LRRC74B: variants seen among roughly 807,000 people sequenced by gnomAD.
LRRC74B encodes the protein leucine-rich repeat-containing protein 74B.
In LRRC74B, 30 loss-of-function variants were observed where a neutral mutation model predicts 16.6. The observed-to-expected ratio is 1.80, with a 90% CI of 1.35 to 2.45. The LOEUF is 2.45. Among genes scored for constraint, LRRC74B ranks in the 30% most tolerant of loss-of-function variants. The probability of loss-of-function intolerance (pLI) is 0.00; values close to 1 mark genes in which losing one functional copy is unlikely to be tolerated. For synonymous variants in LRRC74B, 134 were observed against 86.0 expected, an observed-to-expected ratio of 1.56 and a Z score of -3.09; for missense variants, 326 against 202.4, an observed-to-expected ratio of 1.61 and a Z score of -3.71.
chr22:21,062,753 C>T (rs368810922), downstream of LRRC74B: 581 of 148,428 alleles, frequency 3.9e-3, 3 homozygotes, highest in South Asian at 7.9e-3. Flanking sequence ...TCAGGCTCAG[C>T]GCACTGGCAC....
exon 6 of LRRC74B, chr22:21,053,408 G>A (rs1930227320): frequency 1.4e-6 from 1 of 717,384 alleles, no homozygotes; most frequent in African/African-American, 1.7e-5. Flanking sequence ...TGGCTTTGGG[G>A]ATCCTGGAGC....
At chr22:21,046,229 G>A (rs1601801700) in intron 1 of LRRC74B, 104 bp downstream of exon 1, 2 of 629,852 alleles carry the variant, frequency 3.2e-6, no homozygotes, top group Non-Finnish European at 2.9e-6. Context: ...GAACGTACCC[G>A]CCTGCGGGGC....
chr22:21,059,362 C>T (rs977946114), intron 8 of LRRC74B, among the ~76,000 whole-genome samples: 2 of 152,140 alleles, frequency 1.3e-5, no homozygotes, highest in Admixed American at 1.3e-4. Context: ...CATTGCACTC[C>T]AGCCTGAGCA....
downstream of LRRC74B, among the ~76,000 whole-genome samples, chr22:21,061,109 C>T (rs1181973022): frequency 6.6e-6 from 1 of 152,158 alleles, no homozygotes; most frequent in Non-Finnish European, 1.5e-5. Context: ...GGGTGGATCC[C>T]TTGAGGTCAG....
At chr22:21,057,617 A>G (rs1404198402) in intron 8 of LRRC74B, among the ~76,000 whole-genome samples, 1 of 144,412 alleles carries the variant, frequency 6.9e-6, no homozygotes, top group African/African-American at 2.6e-5. Context: ...CTTTTCATTC[A>G]ATTTTGCCAC....
chr22:21,059,785 C>T (rs1264562057), intron 8 of LRRC74B, among the ~76,000 whole-genome samples: 12 of 152,114 alleles, frequency 7.9e-5, no homozygotes, highest in Middle Eastern at 6.8e-3. Flanking sequence ...ACGTCTACCC[C>T]GCAAGGCCAT....
intron 5 of LRRC74B, 131 bp from the exon 6 acceptor site, chr22:21,053,229 T>A: frequency 1.7e-6 from 1 of 604,148 alleles, no homozygotes; most frequent in African/African-American, 1.8e-5. Flanking sequence ...TGACCCTTCC[T>A]TGGAGCCTCT....
chr22:21,057,168 C>A, exon 8 of LRRC74B: 2 of 717,316 alleles, frequency 2.8e-6, no homozygotes, highest in Admixed American at 2.0e-5. Flanking sequence ...CCAGGACAAT[C>A]CAGCCTCTGC....
exon 1 of LRRC74B, chr22:21,046,036 A>G (rs1470085871): frequency 1.4e-5 from 10 of 717,468 alleles, no homozygotes; most frequent in Non-Finnish European, 2.1e-5. Context: ...CAGAAAGAAG[A>G]GGCTATGGTG....
downstream of LRRC74B, chr22:21,061,703 AC>A (rs1381413416): frequency 2.0e-5 from 3 of 152,224 alleles, no homozygotes; most frequent in Non-Finnish European, 4.4e-5. Context: ...TTACCGTATA[AC>A]CCATTATTTC....
intron 7 of LRRC74B, among the ~76,000 whole-genome samples, chr22:21,055,682 C>T (rs1470883006): frequency 6.6e-6 from 1 of 152,106 alleles, no homozygotes; most frequent in African/African-American, 2.4e-5. Flanking sequence ...ACAGCAGGTA[C>T]GTGCTGGGGG....
At position 21,049,233 on chromosome 22, in the gene LRRC74B, C is replaced by T. The variant is rs376461245; in HGVS notation, c.622+76C>T. On this transcript the variant is annotated intron_variant, in intron 4 of 8. Transcript: ENST00000442047. ...AGGGATGGGTGGGGGTTGGCAGGAC[C>T]GCGCTGCACATCGCCAGGGAGCATG... is the stretch of plus-strand genomic sequence containing the variant. 117 of 617,914 alleles carry T rather than the reference C, an allele frequency of 1.9e-4. No homozygotes were observed. The East Asian group carries it at 2.0e-3, about 11-fold the overall frequency. The allele number at this position is 617,914 out of a possible 1,614,324, so 38.3% of individuals were successfully genotyped here.
At chr22:21,061,278 A>G (rs1044053640), downstream of LRRC74B, among the ~76,000 whole-genome samples, 7 of 152,000 alleles carry the variant, frequency 4.6e-5, no homozygotes, top group Admixed American at 1.3e-4. Flanking sequence ...AGTTCTCACC[A>G]TTGCACTCTA....
chr22:21,049,269 C>A (rs1475564287), intron 4 of LRRC74B, 112 bp downstream of exon 4: 7 of 606,536 alleles, frequency 1.2e-5, no homozygotes, highest in African/African-American at 1.1e-4. Context: ...TGCTCTGGTT[C>A]CTGCTCCCCA....
intron 7 of LRRC74B, 28 bp from the exon 8 acceptor site, chr22:21,057,077 C>T: frequency 7.0e-6 from 5 of 716,922 alleles, no homozygotes; most frequent in Non-Finnish European, 1.3e-5. Context: ...GACCTGGCTT[C>T]TCGCAGCTTT....
intron 8 of LRRC74B, among the ~76,000 whole-genome samples, chr22:21,059,543 A>G (rs1034989790): frequency 2.8e-4 from 42 of 152,332 alleles, no homozygotes; most frequent in Non-Finnish European, 3.8e-4. Context: ...CCTGGGTGAC[A>G]GAGCGAGACT....
At chr22:21,057,439 C>T (rs1420935879) in intron 8 of LRRC74B, among the ~76,000 whole-genome samples, 1 of 151,778 alleles carries the variant, frequency 6.6e-6, no homozygotes, top group Non-Finnish European at 1.5e-5. Flanking sequence ...TCTTCATTGG[C>T]TGAGAGAGGA....
chr22:21,045,985 C>T (rs1569191868), upstream of LRRC74B: 1 of 717,416 alleles, frequency 1.4e-6, no homozygotes, highest in Non-Finnish European at 2.6e-6. Context: ...AGGGTCGTAA[C>T]CATGAGGGGT....
chr22:21,051,409 T>A (rs1277661220), intron 4 of LRRC74B, among the ~76,000 whole-genome samples: 1 of 152,130 alleles, frequency 6.6e-6, no homozygotes, highest in East Asian at 1.9e-4. Context: ...CGCCAAGAAA[T>A]CCTTCTGCCT....
Sources: gnomAD v4.1 joint callset for allele counts (sites outside exome capture counted in the v4.1 genomes callset) on GRCh38, gnomAD v4.1.1 for gene constraint, MANE v1.5 for transcripts, NCBI Gene and HGNC (gene_info 2026-07-23, HGNC 2026-07-21) for gene names.